FOXP1: variants seen among roughly 807,000 people sequenced by gnomAD.
FOXP1 encodes the protein forkhead box protein P1.
Under a neutral mutation model 98.2 loss-of-function variants are expected in FOXP1, and 15 were observed. The observed-to-expected ratio is 0.15, with a 90% CI of 0.10 to 0.24. The LOEUF (loss-of-function observed/expected upper bound fraction) is 0.24. Ranked by LOEUF, FOXP1 falls within the 10% of genes least tolerant of loss-of-function variation. FOXP1 has a pLI of 1.00. For missense variants in FOXP1, 633 were observed against 848.5 expected (o/e 0.75, Z 3.15); for synonymous variants, 371 against 314.5 (o/e 1.18, Z -1.90).
chr3:71,438,746 A>G (rs909314966), intron 3 of FOXP1, among the ~76,000 whole-genome samples: 1 of 152,084 alleles, frequency 6.6e-6, no homozygotes, highest in South Asian at 2.1e-4. Context: ...TTTGGAGAAA[A>G]AAAAAAAAAA....
intron 6 of FOXP1, among the ~76,000 whole-genome samples, chr3:71,132,585 A>G (rs1229599474): frequency 1.3e-5 from 2 of 152,220 alleles, no homozygotes; most frequent in African/African-American, 2.4e-5. Context: ...ATTCCACATT[A>G]TAATTTAGCC....
chr3:71,187,813 G>A (rs1014371589), intron 6 of FOXP1, among the ~76,000 whole-genome samples: 92 of 152,226 alleles, frequency 6.0e-4, no homozygotes, highest in African/African-American at 2.1e-3. Context: ...AGAAAAAAAT[G>A]AGGAAAGGTA....
At chr3:71,177,463 G>A (rs1040532743) in intron 6 of FOXP1, among the ~76,000 whole-genome samples, 2 of 152,160 alleles carry the variant, frequency 1.3e-5, no homozygotes, top group African/African-American at 4.8e-5. Flanking sequence ...AGGAGAGCAG[G>A]CAAAATGGGA....
intron 5 of FOXP1, chr3:71,289,751 A>G (rs1234616553): frequency 6.6e-6 from 1 of 151,564 alleles, no homozygotes; most frequent in East Asian, 2.0e-4. Context: ...GGCTTGAACA[A>G]TCCTCCTGCC....
intron 5 of FOXP1, among the ~76,000 whole-genome samples, chr3:71,246,945 C>T (rs751044085): frequency 2.0e-5 from 3 of 152,152 alleles, no homozygotes; most frequent in Non-Finnish European, 4.4e-5. Context: ...ACACAATACT[C>T]GATTTTCCAG....
chr3:71,156,083 A>C (rs1016415834), intron 6 of FOXP1, among the ~76,000 whole-genome samples: 3 of 152,202 alleles, frequency 2.0e-5, no homozygotes, highest in Non-Finnish European at 4.4e-5. Flanking sequence ...CACAGCCCAG[A>C]GATGAACACT....
rs186024739 is a variant in FOXP1, at chr3:71,547,363, T to C, written c.-298+34186A>G. Among the ~76,000 whole-genome samples the C allele has an allele frequency of 8.5e-5, 13 of 152,212 alleles. No individual in the cohort carries two copies. In the South Asian group the frequency reaches 2.5e-3, roughly 29 times the overall value. On this transcript the variant is annotated intron_variant, in intron 2 of 20. Transcript: ENST00000649528. ...GGAAACCCAGCAAGAACGCTCTTCT[T>C]TGAGGAAAGGAGGGCTTGGCAGGTA...
At chr3:71,476,260 A>G (rs1402126753) in intron 3 of FOXP1, among the ~76,000 whole-genome samples, 2 of 151,502 alleles carry the variant, frequency 1.3e-5, no homozygotes, top group African/African-American at 4.8e-5. Context: ...AAAGAAATCT[A>G]TCTCATATTT....
At chr3:71,496,239 G>A (rs1194646048) in intron 2 of FOXP1, among the ~76,000 whole-genome samples, 2 of 152,230 alleles carry the variant, frequency 1.3e-5, no homozygotes, top group African/African-American at 2.4e-5. Flanking sequence ...CAGAAGCACA[G>A]AGAAGCAGTA....
intron 5 of FOXP1, among the ~76,000 whole-genome samples, chr3:71,281,208 C>A (rs1046317643): frequency 6.7e-6 from 1 of 149,634 alleles, no homozygotes; most frequent in South Asian, 2.1e-4. Context: ...CCAGCCTGGA[C>A]AACAGTCAGA....
At chr3:71,518,087 G>A (rs1213037910) in intron 2 of FOXP1, among the ~76,000 whole-genome samples, 2 of 152,106 alleles carry the variant, frequency 1.3e-5, no homozygotes, top group Non-Finnish European at 1.5e-5. Flanking sequence ...ACTGCTTGGG[G>A]AAACCATAGA....
intron 17 of FOXP1, among the ~76,000 whole-genome samples, chr3:70,976,430 A>C (rs1157972098): frequency 1.3e-5 from 2 of 152,202 alleles, no homozygotes; most frequent in African/African-American, 4.8e-5. Context: ...GTTCTCCATT[A>C]ATAACTCCTA....
chr3:70,960,017 G>A (rs754741592), intron 20 of FOXP1, among the ~76,000 whole-genome samples: 46 of 152,154 alleles, frequency 3.0e-4, no homozygotes, highest in Admixed American at 9.8e-4. Context: ...AGAGGAGGCT[G>A]GGCTAATCAT....
intron 19 of FOXP1, 143 bp from the exon 20 acceptor site, chr3:70,966,199 G>C (rs1189043279): frequency 1.3e-6 from 1 of 766,284 alleles, no homozygotes; most frequent in African/African-American, 1.8e-5. Context: ...GGTGTTGAAA[G>C]ATTTTGCTTT....
intron 4 of FOXP1, among the ~76,000 whole-genome samples, chr3:71,306,313 C>T (rs1437134996): frequency 6.6e-6 from 1 of 152,032 alleles, no homozygotes; most frequent in Non-Finnish European, 1.5e-5. Flanking sequence ...GGGGGGAGTG[C>T]TATTGTTGTA....
chr3:70,984,442 T>C (rs1034776430), intron 14 of FOXP1, among the ~76,000 whole-genome samples: 1 of 152,230 alleles, frequency 6.6e-6, no homozygotes, highest in Non-Finnish European at 1.5e-5. Context: ...TCAGCTGTTC[T>C]ACTTACAGGT....
intron 12 of FOXP1, among the ~76,000 whole-genome samples, chr3:71,003,055 TTAACATTTGC>T (rs771881660): frequency 2.0e-5 from 3 of 152,220 alleles, no homozygotes; most frequent in Non-Finnish European, 2.9e-5. Flanking sequence ...ATTCATCTGT[TTAACATTTGC>T]TAAGAACCCA....
intron 4 of FOXP1, among the ~76,000 whole-genome samples, chr3:71,302,395 T>C (rs2073920460): frequency 6.6e-6 from 1 of 152,024 alleles, no homozygotes; most frequent in South Asian, 2.1e-4. Flanking sequence ...TCCAATACTA[T>C]ATTTGCTATT....
At chr3:70,970,142 GAA>G (rs1319293268) in intron 19 of FOXP1, 1 of 153,508 alleles carries the variant, frequency 6.5e-6, no homozygotes, top group Non-Finnish European at 1.4e-5. Context: ...TTGTCAGTAG[GAA>G]ATAAATACTC....
Sources: allele counts gnomAD v4.1 joint callset (sites outside exome capture counted in the v4.1 genomes callset), GRCh38; gene constraint gnomAD v4.1.1; transcripts MANE v1.5; gene names NCBI Gene and HGNC (gene_info 2026-07-23, HGNC 2026-07-21).